Variants in FGD1 observed in about 807,000 individuals in gnomAD.
FGD1 encodes the protein FYVE, RhoGEF and PH domain-containing protein 1.
Under a neutral mutation model 65.0 loss-of-function variants are expected in FGD1, and 12 were observed. The ratio of observed to expected loss-of-function variants is 0.18; its 90% CI spans 0.12 to 0.30. The LOEUF (loss-of-function observed/expected upper bound fraction) is 0.30. FGD1 is among the 10% of genes least tolerant of loss of function. The probability of loss-of-function intolerance (pLI) is 1.00; values close to 1 mark genes in which losing one functional copy is unlikely to be tolerated. For missense variants in FGD1, 542 were observed against 837.6 expected, an observed-to-expected ratio of 0.65 and a Z score of 4.36; for synonymous variants, 333 against 343.9, an observed-to-expected ratio of 0.97 and a Z score of 0.35.
At chrX:54,464,333 C>G (rs1922712683) in intron 8 of FGD1, among the ~76,000 whole-genome samples, 1 of 110,619 alleles carries the variant, frequency 9.0e-6, no homozygotes, top group Admixed American at 9.7e-5. Context: ...GGGGTTTCAC[C>G]ATGTTGGCCA....
At chrX:54,460,662 A>C (rs1922610600) in intron 8 of FGD1, among the ~76,000 whole-genome samples, 1 of 112,008 alleles carries the variant, frequency 8.9e-6, no homozygotes, top group Non-Finnish European at 1.9e-5. Context: ...AATCGCTTGA[A>C]CTTGGGAGGC....
chrX:54,488,742 G>T (rs1413722550), intron 1 of FGD1, among the ~76,000 whole-genome samples: 1 of 111,162 alleles, frequency 9.0e-6, no homozygotes, highest in Non-Finnish European at 1.9e-5. Context: ...CAGAAATAAG[G>T]CCGCACACCT....
In FGD1 at chrX:54,476,223, G is replaced by A. The variant is rs1235722586; in HGVS notation, c.308-4736C>T. Among the ~76,000 whole-genome samples, 6 of 111,143 alleles carry A rather than the reference G, an allele frequency of 5.4e-5. No individual in the cohort carries two copies. The East Asian group carries it at 1.4e-3, about 26-fold the overall frequency. On this transcript the variant is annotated intron_variant, in intron 1 of 17. Transcript: ENST00000375135. The stretch of plus-strand genomic sequence containing the variant: ...GAACCTAGTAGACCCTGTGCTTGGA[G>A]ATGAGAAAATCCCATCCCTGCCCTT...
rs886042184 is a variant in FGD1, at chrX:54,470,268, G to A, written c.849C>T (p.Ser283=). 4 of 1,205,305 alleles carry A rather than the reference G, an allele frequency of 3.3e-6. No individual in the cohort carries two copies. Among genetic ancestry groups the A allele is most frequent in the Non-Finnish European group, 3.4e-6 (3 of 892,212 alleles). ...RDGEKVPNRD[S]GIDSISSPSN... ...ATGGCGAGCTGATGCTATCAATGCC[G>A]CTGTCCCGGTTGGGCACCTTCTCAC... is the stretch of plus-strand genomic sequence containing the variant. Residue 283 remains serine (S), a synonymous_variant, in exon 4 of 18, where the codon AGC becomes AGT. Transcript: ENST00000375135.
intron 1 of FGD1, among the ~76,000 whole-genome samples, chrX:54,492,864 G>A (rs1257399345): frequency 9.4e-6 from 1 of 106,069 alleles, no homozygotes; most frequent in East Asian, 3.0e-4. Context: ...TAGAATAGGA[G>A]GCCAGGTCCT....
intron 1 of FGD1, among the ~76,000 whole-genome samples, chrX:54,489,416 T>C (rs1401377958): frequency 1.8e-5 from 2 of 111,641 alleles, no homozygotes; most frequent in Non-Finnish European, 3.8e-5. Flanking sequence ...ACCCCGTCTC[T>C]ACTAAAAATA....
chrX:54,461,457 CGG>C (rs757983861), intron 8 of FGD1, among the ~76,000 whole-genome samples: 99 of 106,984 alleles, frequency 9.3e-4, no homozygotes, highest in African/African-American at 3.3e-3. Context: ...AAAAATTAGC[CGG>C]GCGCGGTGGT....
chrX:54,446,753 T>C (rs764668184), intron 17 of FGD1, among the ~76,000 whole-genome samples: 12 of 103,313 alleles, frequency 1.2e-4, no homozygotes, highest in Non-Finnish European at 2.0e-4. Flanking sequence ...AGACAGAGTC[T>C]TGCCCTGTTG....
chrX:54,467,358 CTTTTT>C (rs200305260), intron 6 of FGD1, among the ~76,000 whole-genome samples: 1 of 96,387 alleles, frequency 1.0e-5, no homozygotes, highest in African/African-American at 3.8e-5. Flanking sequence ...TTTTCTTTTT[CTTTTT>C]TTTTTTTTTT....
intron 1 of FGD1, among the ~76,000 whole-genome samples, chrX:54,481,374 T>C (rs1384072193): frequency 9.6e-6 from 1 of 104,012 alleles, no homozygotes; most frequent in East Asian, 3.0e-4. Flanking sequence ...GTTCACTTTT[T>C]AGTAGAGGAT....
intron 8 of FGD1, among the ~76,000 whole-genome samples, chrX:54,460,438 CA>C (rs1440514369): frequency 4.3e-5 from 4 of 92,788 alleles, no homozygotes; most frequent in Non-Finnish European, 8.8e-5. Context: ...GACTCAGTCT[CA>C]AAAAAAATAA....
intron 1 of FGD1, among the ~76,000 whole-genome samples, chrX:54,492,719 T>G (rs1027789958): frequency 5.4e-5 from 6 of 111,566 alleles, no homozygotes; most frequent in Non-Finnish European, 1.1e-4. Flanking sequence ...TTTAAACTCC[T>G]GGTTGCTGAG....
At chrX:54,464,084 C>T (rs1463914805) in intron 8 of FGD1, among the ~76,000 whole-genome samples, 5 of 108,616 alleles carry the variant, frequency 4.6e-5, no homozygotes, top group Non-Finnish European at 7.6e-5. Context: ...GCCCTGGCAT[C>T]CCGAGTAGCT....
intron 10 of FGD1, 104 bp from the exon 11 acceptor site, chrX:54,455,888 G>T: frequency 1.4e-6 from 1 of 736,304 alleles, no homozygotes; most frequent in Non-Finnish European, 2.0e-6. Flanking sequence ...GGCAATAGAT[G>T]GAGAAAAGAC....
intron 1 of FGD1, among the ~76,000 whole-genome samples, chrX:54,473,875 T>C (rs1370103583): frequency 9.1e-6 from 1 of 110,084 alleles, no homozygotes; most frequent in Admixed American, 9.7e-5. Context: ...TCCCAGCTAC[T>C]CGGGAGGCTG....
intron 8 of FGD1, among the ~76,000 whole-genome samples, chrX:54,461,633 GAAAAAA>G (rs1369341265): frequency 1.6e-4 from 14 of 88,424 alleles, no homozygotes; most frequent in African/African-American, 4.4e-4. Flanking sequence ...AAAAGAAAAA[GAAAAAA>G]GAAAAATAGG....
chrX:54,495,230 A>C lies in FGD1; in HGVS notation c.203T>G (p.Leu68Arg). ...GACCCGGTGGCCTGGAGCAGCGCCC[A>C]GGCTGGTGTCCGAGGGTCCGACAAA... ...PQFVGPSDTS[L>R]GAAPGHRVLP... is the part of the protein sequence containing the mutation. Residue 68 changes from leucine to arginine, a missense_variant, in exon 1 of 18, where the codon CTG becomes CGG. Physicochemically the swap from Leu to Arg is moderately radical, Grantham distance 102. Around this residue, in one of 6 missense-constraint regions of FGD1, gnomAD observed 297 missense variants for 326.8 expected, o/e 0.91. Coordinates refer to ENST00000375135, the MANE Select transcript of FGD1 (RefSeq NM_004463.3). 2 of 1,192,948 alleles carry C rather than the reference A, an allele frequency of 1.7e-6. No individual in the cohort carries two copies. The highest frequency in any genetic ancestry group is 1.1e-6 in the Non-Finnish European group (1 of 886,902).
At chrX:54,478,044 G>C in intron 1 of FGD1, among the ~76,000 whole-genome samples, 1 of 111,071 alleles carries the variant, frequency 9.0e-6, no homozygotes, top group Non-Finnish European at 1.9e-5. Context: ...CTTGAACCCG[G>C]GAGGCGGAGG....
chrX:54,449,298 G>A, intron 14 of FGD1, 30 bp from the exon 15 acceptor site: 1 of 1,208,361 alleles, frequency 8.3e-7, no homozygotes, highest in Non-Finnish European at 1.1e-6. Flanking sequence ...TCAGGTCAGA[G>A]ACAGCTACTC....
Sources: allele counts gnomAD v4.1 joint callset (sites outside exome capture counted in the v4.1 genomes callset), GRCh38; gene constraint gnomAD v4.1.1; regional missense constraint gnomAD v4.1.1; transcripts MANE v1.5; gene names NCBI Gene and HGNC (gene_info 2026-07-23, HGNC 2026-07-21).